The following ATP13A1 variants were observed in gnomAD, a reference collection of about 807,000 sequenced individuals.
ATP13A1 encodes ATPase 13A1.
In ATP13A1, 55 loss-of-function variants were observed where a neutral mutation model predicts 134.8. That is an observed-to-expected ratio of 0.41 (90% CI 0.33 to 0.51). ATP13A1 has a LOEUF of 0.51. Ranked by LOEUF, ATP13A1 falls within the 20% of genes least tolerant of loss-of-function variation. The probability of loss-of-function intolerance (pLI) is 0.29; values close to 1 mark genes in which losing one functional copy is unlikely to be tolerated. For missense variants in ATP13A1, 1,389 were observed against 1,652.8 expected, an observed-to-expected ratio of 0.84 and a Z score of 2.77; for synonymous variants, 775 against 725.1, an observed-to-expected ratio of 1.07 and a Z score of -1.10.
Position 19,663,600 on chromosome 19 carries a change from CAGGCCGGACCCCGCA to C in ATP13A1, c.52_66del (p.Cys18_Pro22del), listed in dbSNP as rs1294286191. The C allele has an allele frequency of 2.8e-6, 4 of 1,422,746 alleles. No homozygotes were observed. In the African/African-American group the frequency reaches 4.5e-5, roughly 16 times the overall value. 88.1% of individuals were successfully genotyped at this position (1,422,746 alleles called of 1,614,324 possible). A position where few individuals can be genotyped will look rare whatever the true frequency, so the allele number is the denominator to read the frequency against. On this transcript the variant is annotated inframe_deletion, in exon 1 of 26. Coordinates refer to ENST00000357324, the MANE Select transcript of ATP13A1 (RefSeq NM_020410.3). ...TGCGGCCCGGGCTTGGGCTGCCCGT[CAGGCCGGACCCCGCA>C]AGGCCGGGCCCCGCAGGGCACCGCG...
rs375083571 is a variant in ATP13A1 at position 19,655,261 on chromosome 19, G to C, written c.1535-22C>G. ...ATGTCTAGGGGCGGGAGTGAGGTCAGGGGTCCTGCTTGGCCCCAGCCCACT... is the reference window on the plus strand; with the variant it reads ...ATGTCTAGGGGCGGGAGTGAGGTCACGGGTCCTGCTTGGCCCCAGCCCACT... On this transcript the variant is annotated intron_variant, in intron 11 of 25. Transcript: ENST00000357324. The surrounding 1 kb of genome is among the most constrained non-coding windows in gnomAD (Gnocchi z 5.7). 6.2e-6 allele frequency: 10 copies of C among 1,613,822 alleles called. No homozygotes were observed. The highest frequency in any genetic ancestry group is 8.5e-6 in the Non-Finnish European group (10 of 1,179,882).
rs1303403626 is a variant in ATP13A1 at position 19,657,386 on chromosome 19, A to G, written c.700T>C (p.Phe234Leu). 5.1e-6 allele frequency: 8 copies of G among 1,573,202 alleles called. No homozygotes were observed. The highest frequency in any genetic ancestry group is 1.8e-5 in the Admixed American group (1 of 54,218). Residue 234 changes from phenylalanine to leucine, a missense_variant, in exon 4 of 26, where the codon TTC becomes CTC. Physicochemically the swap from Phe to Leu is conservative, Grantham distance 22. Transcript: ENST00000357324. ...SNKAEMVVPD[F>L]SELFKERATA... ...GCTCTCTCCTTGAAAAGCTCCGAGAAGTCAGGCACCACCATCTCGGCCCTG... is the reference window on the plus strand; with the variant it reads ...GCTCTCTCCTTGAAAAGCTCCGAGAGGTCAGGCACCACCATCTCGGCCCTG...
At chr19:19,662,125 AG>A in intron 1 of ATP13A1, 1 of 1,563,576 alleles carries the variant, frequency 6.4e-7, no homozygotes, top group Non-Finnish European at 8.7e-7. Flanking sequence ...ATCCCTGGAG[AG>A]GAAGTTAAGA....
At chr19:19,661,965 G>A in intron 1 of ATP13A1, 1 of 1,448,880 alleles carries the variant, frequency 6.9e-7, no homozygotes, top group Non-Finnish European at 9.4e-7. Context: ...CGCTTCTCAA[G>A]ATGGCACCCA....
Position 19,654,421 on chromosome 19 carries a change from G to T in ATP13A1, c.1813+122C>A, listed in dbSNP as rs1052777767. ...AAGTGAGCCTCTGGCCACCCACCTCGGGGAGCATCAGAGCTGTAGGCCTGC... is the reference window on the plus strand; with the variant it reads ...AAGTGAGCCTCTGGCCACCCACCTCTGGGAGCATCAGAGCTGTAGGCCTGC... On this transcript the variant is annotated intron_variant, in intron 13 of 25. Coordinates refer to ENST00000357324, the MANE Select transcript of ATP13A1 (RefSeq NM_020410.3). 4.7e-6 allele frequency: 6 copies of T among 1,273,716 alleles called. No individual in the cohort carries two copies. In the African/African-American group the frequency reaches 9.0e-5, roughly 19 times the overall value. 78.9% of individuals were successfully genotyped at this position (1,273,716 alleles called of 1,614,324 possible). A position where few individuals can be genotyped will look rare whatever the true frequency, so the allele number is the denominator to read the frequency against.
chr19:19,647,924 C>T lies in ATP13A1; in HGVS notation c.2633-165G>A, dbSNP rs117239020. Among the ~76,000 whole-genome samples, 3,452 of 152,258 alleles carry T rather than the reference C, an allele frequency of 0.023. 50 individuals are homozygous for T. The highest frequency in any genetic ancestry group is 0.041 in the Middle Eastern group (12 of 294). The stretch of plus-strand genomic sequence containing the variant: ...CCCTAAGGAGACCTCAGAGAGTGCC[C>T]GTGTTGCTTTCTACAAACTACTTTA... On this transcript the variant is annotated intron_variant, in intron 19 of 25. Coordinates refer to ENST00000357324, the MANE Select transcript of ATP13A1 (RefSeq NM_020410.3). This position sits in a 1 kb window ranked among gnomAD's most constrained non-coding sequence, Gnocchi z 4.8.
chr19:19,652,513 C>A, intron 16 of ATP13A1, 82 bp downstream of exon 16: 1 of 1,501,378 alleles, frequency 6.7e-7, no homozygotes. Flanking sequence ...ACTTGGGTGC[C>A]CACCCCTACC....
chr19:19,650,139 C>G, intron 17 of ATP13A1, 199 bp from the exon 18 acceptor site: 1 of 604,364 alleles, frequency 1.7e-6, no homozygotes, highest in Non-Finnish European at 2.9e-6. Context: ...AACCAAGAGC[C>G]TGGGGCCTGA....
At chr19:19,659,083 A>G (rs2062078097) in intron 3 of ATP13A1, among the ~76,000 whole-genome samples, 1 of 152,244 alleles carries the variant, frequency 6.6e-6, no homozygotes, top group East Asian at 1.9e-4. Flanking sequence ...GGTTCCTGCC[A>G]GCAGGCAAGT....
chr19:19,663,554 G>A lies in ATP13A1; in HGVS notation c.113C>T (p.Ala38Val). Residue 38 changes from alanine to valine, a missense_variant, in exon 1 of 26, where the codon GCC becomes GTC. Around this residue, in one of 4 missense-constraint regions of ATP13A1, gnomAD observed 293 missense variants for 270.8 expected, o/e 1.08. Coordinates refer to ENST00000357324, the MANE Select transcript of ATP13A1 (RefSeq NM_020410.3). ...ACCGTTCGCTATGAGCGCCGGCCCG[G>A]CGGCAAGGAGCGCGCGCGGCTGCGG... ...PGPQPRALLA[A>V]GPALIANGDE... The A allele has an allele frequency of 6.6e-7, 1 of 1,512,082 alleles. No individual in the cohort carries two copies. Among genetic ancestry groups the A allele is most frequent in the South Asian group, 1.2e-5 (1 of 81,464 alleles). 93.7% of individuals were successfully genotyped at this position (1,512,082 alleles called of 1,614,324 possible).
chr19:19,651,912 C>CCGATGAATATGA, intron 16 of ATP13A1, 115 bp from the exon 17 acceptor site: 1 of 781,274 alleles, frequency 1.3e-6, no homozygotes, highest in Non-Finnish European at 2.0e-6. Context: ...TCCTGGGCCT[C>CCGATGAATATGA]TAACCGAGAT....
In ATP13A1 at chr19:19,657,296, A is replaced by G. The variant is rs183862414; in HGVS notation, c.750+40T>C. The G allele has an allele frequency of 9.4e-4, 1,451 of 1,546,494 alleles. 1 individual carries two copies. The highest frequency in any genetic ancestry group is 1.0e-3 in the Non-Finnish European group (1,166 of 1,144,112). On this transcript the variant is annotated intron_variant, in intron 4 of 25. Transcript: ENST00000357324. ...GCTTGATCCGGTTAGGAAAGCCCCA[A>G]GGGAGGAAATGGGGAGATGGGCCAG...
At position 19,652,698 on chromosome 19, in the gene ATP13A1, G is replaced by A. The variant is rs1225891950; in HGVS notation, c.2123C>T (p.Ala708Val). 2 of 1,606,504 alleles carry A rather than the reference G, an allele frequency of 1.2e-6. No individual in the cohort carries two copies. Among genetic ancestry groups the A allele is most frequent in the Non-Finnish European group, 8.5e-7 (1 of 1,177,570 alleles). The change falls in exon 16 of 26, where the codon GCC becomes GTC. Residue 708 changes from alanine to valine, a missense_variant. Around this residue, in one of 4 missense-constraint regions of ATP13A1, gnomAD observed 747 missense variants for 956.1 expected, o/e 0.78. Transcript: ENST00000357324. ...GACGAACTTGAGGCTGCACTCCAGG[G>A]CCTCCCGCTTGACCTCCCGGGCCTG... ...HQQAREVKRE[A>V]LECSLKFVGF...
intron 13 of ATP13A1, among the ~76,000 whole-genome samples, 175 bp from the exon 14 acceptor site, chr19:19,654,319 G>A (rs1254009639): frequency 6.6e-6 from 1 of 152,184 alleles, no homozygotes; most frequent in Non-Finnish European, 1.5e-5. Context: ...GGAGGACCCT[G>A]GCACTGTGGC....
intron 3 of ATP13A1, among the ~76,000 whole-genome samples, chr19:19,658,973 G>A (rs1375510552): frequency 6.6e-6 from 1 of 152,190 alleles, no homozygotes; most frequent in Non-Finnish European, 1.5e-5. Context: ...TTAAAATAAA[G>A]CTGTTGCTGA....
rs747535101 is a variant in ATP13A1, at chr19:19,647,111, A to G, written c.3105+18T>C. The G allele has an allele frequency of 1.8e-5, 29 of 1,600,866 alleles. No individual in the cohort carries two copies. The highest frequency in any genetic ancestry group is 1.7e-5 in the Non-Finnish European group (20 of 1,173,448). ...CAGGCCCATGCATCCCTGGCCTTCCAGCACCTCTGGGGCCCACCTTGGAAC... is the reference window on the plus strand; with the variant it reads ...CAGGCCCATGCATCCCTGGCCTTCCGGCACCTCTGGGGCCCACCTTGGAAC... On this transcript the variant is annotated intron_variant, in intron 22 of 25. Transcript: ENST00000357324. This position sits in a 1 kb window ranked among gnomAD's most constrained non-coding sequence, Gnocchi z 4.8.
In ATP13A1 at chr19:19,646,546, G is replaced by A. The variant is rs1224322280; in HGVS notation, c.3106-199C>T. The A allele has an allele frequency of 6.1e-6, 4 of 655,704 alleles. No homozygotes were observed. In the Admixed American group the frequency reaches 1.2e-4, roughly 19 times the overall value. 40.6% of individuals were successfully genotyped at this position (655,704 alleles called of 1,614,324 possible). A position where few individuals can be genotyped will look rare whatever the true frequency, so the allele number is the denominator to read the frequency against. On this transcript the variant is annotated intron_variant, in intron 22 of 25. Transcript: ENST00000357324. ...CCCCTGAGCCCAGGGCTGCCTCCCTGGCCCCGGCTCCGCCATCCAGGCTCC... is the reference window on the plus strand; with the variant it reads ...CCCCTGAGCCCAGGGCTGCCTCCCTAGCCCCGGCTCCGCCATCCAGGCTCC...
rs142259293 is a variant in ATP13A1, at chr19:19,647,713, T to C, written c.2679A>G (p.Arg893=). The C allele has an allele frequency of 0.02, 32,209 of 1,608,552 alleles. 412 individuals are homozygous for C. Among genetic ancestry groups the C allele is most frequent in the Non-Finnish European group, 0.024 (28,111 of 1,179,152 alleles). The change falls in exon 20 of 26, where the codon CGA becomes CGG. Residue 893 remains arginine, a synonymous_variant. Transcript: ENST00000357324. This position sits in a 1 kb window ranked among gnomAD's most constrained non-coding sequence, Gnocchi z 4.8. ...ANAPERVVER[R]RRPRDSPTLS... is the part of the protein sequence containing the mutation. ...GGGTTGGGCTGTCCCGGGGCCGCCG[T>C]CGCCGCTCGACAACCCGCTCAGGGG... is the stretch of plus-strand genomic sequence containing the variant.
chr19:19,656,509 A>G lies in ATP13A1; in HGVS notation c.1083+151T>C, dbSNP rs775789344. 68 of 895,250 alleles carry G rather than the reference A, an allele frequency of 7.6e-5. No homozygotes were observed. The highest frequency in any genetic ancestry group is 4.6e-5 in the Non-Finnish European group (27 of 591,928). 55.5% of individuals were successfully genotyped at this position (895,250 alleles called of 1,614,324 possible). On this transcript the variant is annotated intron_variant, in intron 7 of 25. Transcript: ENST00000357324. This position sits in a 1 kb window ranked among gnomAD's most constrained non-coding sequence, Gnocchi z 4.6. ...CTCTCTCACCTCCTTCCTCGCCCCC[A>G]CCACCCGGCTCCCCAGTCCACAGAG... is the stretch of plus-strand genomic sequence containing the variant.
Sources: gnomAD v4.1 joint callset for allele counts (sites outside exome capture counted in the v4.1 genomes callset) on GRCh38, gnomAD v4.1.1 for gene constraint, gnomAD v4.1.1 regional missense constraint, Gnocchi (gnomAD v3.1) non-coding constraint, MANE v1.5 for transcripts, NCBI Gene and HGNC (gene_info 2026-07-23, HGNC 2026-07-21) for gene names.